Variants in G3BP2 observed in about 807,000 individuals in gnomAD.
G3BP2 encodes the protein G3BP stress granule assembly factor 2.
In G3BP2, 11 loss-of-function variants were observed where a neutral mutation model predicts 56.7. The ratio of observed to expected loss-of-function variants is 0.19; its 90% CI spans 0.12 to 0.32. G3BP2 has a LOEUF of 0.32. Among genes scored for constraint, G3BP2 ranks in the 10% least tolerant of loss-of-function variants. The pLI is 1.00. For missense variants in G3BP2, 340 were observed against 610.9 expected (o/e 0.56, Z 4.67); for synonymous variants, 165 against 191.6 (o/e 0.86, Z 1.15).
chr4:75,664,226 A>G (rs1005885032), intron 1 of G3BP2, among the ~76,000 whole-genome samples: 1 of 152,012 alleles, frequency 6.6e-6, no homozygotes, highest in Admixed American at 6.5e-5. Flanking sequence ...AAAGTACTAA[A>G]AAAAAAAAAT....
At chr4:75,670,760 G>A (rs1733419898) in intron 1 of G3BP2, among the ~76,000 whole-genome samples, 1 of 149,688 alleles carries the variant, frequency 6.7e-6, no homozygotes, top group East Asian at 1.9e-4. Context: ...CTCAGTTACA[G>A]TAAAAAGAAA....
chr4:75,646,030 C>A (rs1425265290), intron 11 of G3BP2, among the ~76,000 whole-genome samples: 1 of 152,014 alleles, frequency 6.6e-6, no homozygotes, highest in East Asian at 1.9e-4. Context: ...TGGTCTTGAA[C>A]TCTCCTGGGC....
At chr4:75,697,811 A>G (rs1217269284) in intron 3 of G3BP2, among the ~76,000 whole-genome samples, 2 of 151,872 alleles carry the variant, frequency 1.3e-5, no homozygotes, top group Non-Finnish European at 2.9e-5. Flanking sequence ...GCACACACCT[A>G]TGATCCCAGC....
intron 3 of G3BP2, among the ~76,000 whole-genome samples, chr4:75,693,316 G>A (rs745901184): frequency 2.6e-5 from 4 of 152,210 alleles, no homozygotes; most frequent in East Asian, 1.9e-4. Context: ...CGAAAAAGAC[G>A]ACAGTCTGGC....
In G3BP2 at chr4:75,673,223, G is replaced by C. The variant is rs1733649984; in HGVS notation, c.-40C>G. On this transcript the variant is annotated 5_prime_UTR_variant, in exon 1 of 12. Transcript: ENST00000359707. ...CCGTACACACCTCCAGCCAACGGCG[G>C]CGGCGGGTACGTCGCGCGGAGGTCA... is the stretch of plus-strand genomic sequence containing the variant. The C allele has an allele frequency of 8.2e-7, 1 of 1,213,378 alleles. No individual in the cohort carries two copies. Among genetic ancestry groups the C allele is most frequent in the African/African-American group, 1.6e-5 (1 of 63,988 alleles). The allele number at this position is 1,213,378 out of a possible 1,614,324, so 75.2% of individuals were successfully genotyped here. A position where few individuals can be genotyped will look rare whatever the true frequency, so the allele number is the denominator to read the frequency against.
In G3BP2 at chr4:75,673,211, C is replaced by T; in HGVS notation, c.-28G>A. On this transcript the variant is annotated 5_prime_UTR_variant, in exon 1 of 12. Transcript: ENST00000359707. ...CCCTCCCGGCGCCCGTACACACCTCCAGCCAACGGCGGCGGCGGGTACGTC... is the reference window on the plus strand; with the variant it reads ...CCCTCCCGGCGCCCGTACACACCTCTAGCCAACGGCGGCGGCGGGTACGTC... 8.3e-7 allele frequency: 1 copy of T among 1,208,844 alleles called. No individual in the cohort carries two copies. The allele number at this position is 1,208,844 out of a possible 1,614,324, so 74.9% of individuals were successfully genotyped here. A position where few individuals can be genotyped will look rare whatever the true frequency, so the allele number is the denominator to read the frequency against.
intron 5 of G3BP2, among the ~76,000 whole-genome samples, chr4:75,656,206 G>C (rs1383768624): frequency 6.6e-6 from 1 of 151,494 alleles, no homozygotes; most frequent in Non-Finnish European, 1.5e-5. Context: ...TGGCCAGGCT[G>C]GTCCCGAACT....
intron 3 of G3BP2, among the ~76,000 whole-genome samples, chr4:75,702,171 A>ATTTTTTTTTTTTTTTTTTTT: frequency 9.3e-6 from 1 of 107,480 alleles, no homozygotes. Context: ...AAACCCCCCA[A>ATTTTTTTTTTTTTTTTTTTT]TTTTTTTTTT....
At chr4:75,710,929 G>A (rs1035499229) in intron 3 of G3BP2, among the ~76,000 whole-genome samples, 1 of 152,082 alleles carries the variant, frequency 6.6e-6, no homozygotes, top group African/African-American at 2.4e-5. Context: ...CTCCCAAAGT[G>A]CTGGGATTAT....
chr4:75,685,934 A>C (rs553190279), intron 3 of G3BP2, among the ~76,000 whole-genome samples: 1 of 152,280 alleles, frequency 6.6e-6, no homozygotes, highest in South Asian at 2.1e-4. Flanking sequence ...TAACAGAATA[A>C]TATGGAGTTA....
At chr4:75,723,371 G>A (rs1384684948) in intron 1 of G3BP2, among the ~76,000 whole-genome samples, 2 of 152,224 alleles carry the variant, frequency 1.3e-5, no homozygotes, top group Non-Finnish European at 2.9e-5. Flanking sequence ...CTGGAGATTG[G>A]ACTGGAAGGA....
chr4:75,659,021 T>A (rs1331597385), intron 2 of G3BP2, 97 bp from the exon 3 acceptor site: 1 of 906,262 alleles, frequency 1.1e-6, no homozygotes, highest in African/African-American at 1.6e-5. Context: ...TCCCGCTCTG[T>A]CACTAATTAG....
chr4:75,674,695 CATATATAT>C (rs1316726374), upstream of G3BP2, among the ~76,000 whole-genome samples: 39 of 60,698 alleles, frequency 6.4e-4, 2 homozygotes, highest in African/African-American at 2.0e-3. Flanking sequence ...TATGTATGTA[CATATATAT>C]ATATATATAT....
chr4:75,680,876 G>A (rs964401026), intron 3 of G3BP2, among the ~76,000 whole-genome samples: 2 of 151,864 alleles, frequency 1.3e-5, no homozygotes, highest in Non-Finnish European at 2.9e-5. Context: ...GCCGAGGCAG[G>A]AGAATAGCTT....
intron 8 of G3BP2, chr4:75,649,094 TAAAC>T (rs1731469939): frequency 6.0e-6 from 1 of 166,860 alleles, no homozygotes; most frequent in Non-Finnish European, 1.3e-5. Context: ...TGTAAATACA[TAAAC>T]AAAATTAAAA....
chr4:75,671,521 T>A (rs1357680799), intron 1 of G3BP2, among the ~76,000 whole-genome samples: 1 of 152,216 alleles, frequency 6.6e-6, no homozygotes, highest in Non-Finnish European at 1.5e-5. Context: ...TTTTCTTCTT[T>A]ACCTTCTAAT....
At chr4:75,723,761 C>CATGA (rs1469280259) in intron 1 of G3BP2, among the ~76,000 whole-genome samples, 1 of 152,202 alleles carries the variant, frequency 6.6e-6, no homozygotes, top group East Asian at 1.9e-4. Context: ...GGGAGAGGTG[C>CATGA]ATGAGTCAGT....
At chr4:75,684,449 TA>T (rs921077821) in intron 3 of G3BP2, among the ~76,000 whole-genome samples, 3 of 151,756 alleles carry the variant, frequency 2.0e-5, no homozygotes, top group African/African-American at 4.8e-5. Context: ...AAATCATAAA[TA>T]AAAAAATAAA....
chr4:75,697,888 C>G, intron 3 of G3BP2, among the ~76,000 whole-genome samples: 1 of 152,162 alleles, frequency 6.6e-6, no homozygotes, highest in Non-Finnish European at 1.5e-5. Context: ...GAGCCAAGAT[C>G]GTGCCACTGC....
Sources: allele counts gnomAD v4.1 joint callset (sites outside exome capture counted in the v4.1 genomes callset), GRCh38; gene constraint gnomAD v4.1.1; transcripts MANE v1.5; gene names NCBI Gene and HGNC (gene_info 2026-07-23, HGNC 2026-07-21).